ADCY6: variants seen among roughly 807,000 people sequenced by gnomAD.
ADCY6 encodes the protein adenylate cyclase type 6.
In ADCY6, 59 loss-of-function variants were observed where a neutral mutation model predicts 111.6. The observed-to-expected ratio is 0.53, with a 90% CI of 0.43 to 0.66. The LOEUF (loss-of-function observed/expected upper bound fraction) is 0.66, where lower values mean the gene tolerates loss of function less well. ADCY6 is among the 30% of genes least tolerant of loss of function. ADCY6 has a pLI of 0.00. For missense variants in ADCY6, 1,242 were observed against 1,595.6 expected, an observed-to-expected ratio of 0.78 and a Z score of 3.78; for synonymous variants, 576 against 642.9, an observed-to-expected ratio of 0.90 and a Z score of 1.57.
intron 16 of ADCY6, among the ~76,000 whole-genome samples, chr12:48,772,885 T>TA (rs1941587641): frequency 6.6e-6 from 1 of 152,210 alleles, no homozygotes; most frequent in African/African-American, 2.4e-5. Flanking sequence ...TGTTAGTTAC[T>TA]ATAATCTTTA....
intron 15 of ADCY6, 115 bp downstream of exon 15, chr12:48,773,825 T>C: frequency 6.8e-7 from 1 of 1,476,774 alleles, no homozygotes; most frequent in Non-Finnish European, 9.2e-7. Context: ...TTGCTCCTAG[T>C]GTGGGAGACT....
chr12:48,773,804 AGG>A, intron 15 of ADCY6, 134 bp downstream of exon 15: 1 of 1,438,016 alleles, frequency 7.0e-7, no homozygotes, highest in Non-Finnish European at 9.5e-7. Context: ...ACAACACACC[AGG>A]GCCCCTGGTT....
In ADCY6 at chr12:48,776,341, G is replaced by A. The variant is rs761515168; in HGVS notation, c.1545C>T (p.His515=). 3.1e-6 allele frequency: 5 copies of A among 1,614,240 alleles called. No individual in the cohort carries two copies. The highest frequency in any genetic ancestry group is 2.2e-5 in the South Asian group (2 of 91,090). ...GGTACTGCAGTGTTGCCCGAGTGAT[G>A]TGGATGCGGCTGTATGTGGCCAAGA... is the stretch of plus-strand genomic sequence containing the variant. ...MEAGGRAGRI[H]ITRATLQYLN... Residue 515 remains histidine (H), a synonymous_variant, in exon 8 of 22, where the codon CAC becomes CAT. Coordinates refer to ENST00000357869, the MANE Select transcript of ADCY6 (RefSeq NM_015270.5). The surrounding 1 kb of genome is among the most constrained non-coding windows in gnomAD (Gnocchi z 6.1).
At position 48,773,555 on chromosome 12, in the gene ADCY6, CA is replaced by C; in HGVS notation, c.2534del (p.Leu845TrpfsTer53). 4.3e-6 allele frequency: 7 copies of C among 1,614,086 alleles called. No homozygotes were observed. Among genetic ancestry groups the C allele is most frequent in the Non-Finnish European group, 5.9e-6 (7 of 1,179,996 alleles). Reference sequence around the variant, plus strand: ...GAAGCAGCACCAAATAGATGAGCCCCAAGACAAAGATCATGGCCAACTTCCC... The same window carrying C: ...GAAGCAGCACCAAATAGATGAGCCCCAGACAAAGATCATGGCCAACTTCCC... The part of the protein sequence containing the change: ...SIGKLAMIFV[L>X]GLIYLVLLLL... On this transcript the variant is annotated frameshift_variant, in exon 16 of 22. Transcript: ENST00000357869. LOFTEE classifies it high-confidence loss of function.
chr12:48,788,228 T>C (rs1942016711), intron 1 of ADCY6, among the ~76,000 whole-genome samples: 1 of 151,986 alleles, frequency 6.6e-6, no homozygotes, highest in Admixed American at 6.6e-5. Context: ...TCCCTAAAGA[T>C]TACAGAGGGC....
rs1187399167 is a variant in ADCY6, at chr12:48,789,049, G to C, written c.-148C>G. ...CCGTCCGCCGTCCGCCGTCCGCCCG[G>C]CCCTCGCCCCCTCCCGAGCTGTCCA... is the stretch of plus-strand genomic sequence containing the variant. On this transcript the variant is annotated 5_prime_UTR_variant, in exon 1 of 22. Transcript: ENST00000357869. 1.3e-5 allele frequency: 2 copies of C among 149,496 alleles called. No individual in the cohort carries two copies. Among genetic ancestry groups the C allele is most frequent in the African/African-American group, 5.0e-5 (2 of 40,130 alleles). 9.3% of individuals were successfully genotyped at this position (149,496 alleles called of 1,614,324 possible).
Position 48,775,284 on chromosome 12 carries a change from T to G in ADCY6, c.1980+19A>C. ...GCCCCTCCCCCAGCCCTTGTCCTTC[T>G]GCCCTGTATCCCTCAAACCTTCTTC... is the stretch of plus-strand genomic sequence containing the variant. On this transcript the variant is annotated intron_variant, in intron 11 of 21. Transcript: ENST00000357869. 6.2e-7 allele frequency: 1 copy of G among 1,613,748 alleles called. No homozygotes were observed. The highest frequency in any genetic ancestry group is 1.1e-5 in the South Asian group (1 of 91,070).
chr12:48,777,671 T>G lies in ADCY6; in HGVS notation c.1080A>C (p.Thr360=). Reference sequence around the variant, plus strand: ...TGTGGAACATCATGTCTTCTTTTTTTGTGTTGATGTCTTCTTTCATCTCCA... The same window carrying G: ...TGTGGAACATCATGTCTTCTTTTTTGGTGTTGATGTCTTCTTTCATCTCCA... The part of the protein sequence containing the change: ...VAMEMKEDIN[T]KKEDMMFHKI... The change falls in exon 4 of 22, where the codon ACA becomes ACC. Residue 360 remains threonine (T), a synonymous_variant. Transcript: ENST00000357869. This position sits in a 1 kb window ranked among gnomAD's most constrained non-coding sequence, Gnocchi z 4.9. 6.2e-7 allele frequency: 1 copy of G among 1,614,154 alleles called. No individual in the cohort carries two copies. Among genetic ancestry groups the G allele is most frequent in the Non-Finnish European group, 8.5e-7 (1 of 1,180,042 alleles).
In ADCY6 at chr12:48,768,680, C is replaced by T. The variant is rs1941439535; in HGVS notation, c.3418G>A (p.Gly1140Ser). The change falls in exon 22 of 22, where the codon GGC becomes AGC. Residue 1140 changes from glycine to serine, a missense_variant. Around this residue, in one of 4 missense-constraint regions of ADCY6, gnomAD observed 245 missense variants for 371.3 expected, o/e 0.66. Transcript: ENST00000357869. ...TDLYQVLAAK[G>S]YQLECRGVVK... ...ACCCCTCGACACTCCAGCTGGTAGCCCTTGGCAGCTAGAACCTGGTACAGG... is the reference window on the plus strand; with the variant it reads ...ACCCCTCGACACTCCAGCTGGTAGCTCTTGGCAGCTAGAACCTGGTACAGG... 2 of 1,614,164 alleles carry T rather than the reference C, an allele frequency of 1.2e-6. No homozygotes were observed. Among genetic ancestry groups the T allele is most frequent in the East Asian group, 2.2e-5 (1 of 44,878 alleles).
intron 2 of ADCY6, among the ~76,000 whole-genome samples, chr12:48,779,020 G>A (rs1941779980): frequency 6.6e-6 from 1 of 151,256 alleles, no homozygotes; most frequent in African/African-American, 2.4e-5. Context: ...TGGGATTACA[G>A]CCACCTGCCA....
intron 12 of ADCY6, 44 bp from the exon 13 acceptor site, chr12:48,774,822 T>C: frequency 6.3e-7 from 1 of 1,588,704 alleles, no homozygotes; most frequent in Non-Finnish European, 8.6e-7. Context: ...TTCTGGAAGA[T>C]CTGGGCATTC....
chr12:48,774,154 ACCTGGTGAAGC>A, intron 14 of ADCY6, 56 bp from the exon 15 acceptor site: 2 of 1,524,566 alleles, frequency 1.3e-6, no homozygotes, highest in Non-Finnish European at 8.9e-7. Flanking sequence ...GTTGCAAGGT[ACCTGGTGAAGC>A]CATGTACCCT....
At chr12:48,783,685 G>A in intron 1 of ADCY6, 1 of 788,650 alleles carries the variant, frequency 1.3e-6, no homozygotes, top group Non-Finnish European at 1.9e-6. Context: ...GCTTACACCT[G>A]TAATCCCAGC....
chr12:48,787,132 G>C (rs2137401189), intron 1 of ADCY6, among the ~76,000 whole-genome samples: 1 of 152,296 alleles, frequency 6.6e-6, no homozygotes, highest in Non-Finnish European at 1.5e-5. Context: ...AGTCCCCAGA[G>C]CTGCTGGAGA....
At chr12:48,789,663 A>G (rs1043903294), upstream of ADCY6, 6 of 150,686 alleles carry the variant, frequency 4.0e-5, no homozygotes, top group Admixed American at 4.0e-4. Context: ...TTAATAATTA[A>G]TTAAGCTCTC....
chr12:48,772,458 A>T (rs1057410549), intron 17 of ADCY6, 34 bp from the exon 18 acceptor site: 1 of 1,614,080 alleles, frequency 6.2e-7, no homozygotes, highest in African/African-American at 1.3e-5. Context: ...TGGTGTCTGA[A>T]GGAGGCATCT....
Position 48,776,166 on chromosome 12 carries a change from C to A in ADCY6, c.1677+43G>T, listed in dbSNP as rs758219400. The A allele has an allele frequency of 3.5e-5, 56 of 1,613,780 alleles. No homozygotes were observed. In the Admixed American group the frequency reaches 9.0e-4, roughly 26 times the overall value. ...CTTGGCCTGCTCCTCCCCATTTGTCCCTCTTCTTGCTCCCCTGCCCCCAGC... is the reference window on the plus strand; with the variant it reads ...CTTGGCCTGCTCCTCCCCATTTGTCACTCTTCTTGCTCCCCTGCCCCCAGC... On this transcript the variant is annotated intron_variant, in intron 8 of 21. Coordinates refer to ENST00000357869, the MANE Select transcript of ADCY6 (RefSeq NM_015270.5). This position sits in a 1 kb window ranked among gnomAD's most constrained non-coding sequence, Gnocchi z 6.1.
intron 13 of ADCY6, 80 bp from the exon 14 acceptor site, chr12:48,774,598 G>A: frequency 1.3e-6 from 2 of 1,566,274 alleles, no homozygotes; most frequent in Non-Finnish European, 1.8e-6. Context: ...CCCAGTGGAA[G>A]AGGCATGGCC....
intron 1 of ADCY6, among the ~76,000 whole-genome samples, chr12:48,787,133 C>T (rs1440847909): frequency 6.6e-6 from 1 of 152,186 alleles, no homozygotes; most frequent in Non-Finnish European, 1.5e-5. Flanking sequence ...GTCCCCAGAG[C>T]TGCTGGAGAC....
Sources: allele counts gnomAD v4.1 joint callset (sites outside exome capture counted in the v4.1 genomes callset), GRCh38; gene constraint gnomAD v4.1.1; regional missense constraint gnomAD v4.1.1; non-coding constraint Gnocchi (gnomAD v3.1); transcripts MANE v1.5; gene names NCBI Gene and HGNC (gene_info 2026-07-23, HGNC 2026-07-21).